RIC3: variants seen among roughly 807,000 people sequenced by gnomAD.
RIC3 encodes the protein RIC3 acetylcholine receptor chaperone, also known as protein RIC-3.
In RIC3, 28 loss-of-function variants were observed where a neutral mutation model predicts 27.3. The observed-to-expected ratio is 1.02, with a 90% CI of 0.76 to 1.41. The LOEUF (loss-of-function observed/expected upper bound fraction) is 1.41. Ranked by LOEUF, RIC3 falls within the 40% of genes most tolerant of loss-of-function variation. The pLI is 0.00. For missense variants in RIC3, 501 were observed against 444.7 expected (o/e 1.13, Z -1.14); for synonymous variants, 184 against 160.4 (o/e 1.15, Z -1.11).
intron 4 of RIC3, among the ~76,000 whole-genome samples, chr11:8,131,900 C>CA (rs796158730): frequency 0.079 from 2,054 of 26,088 alleles, 414 homozygotes; most frequent in African/African-American, 0.12. Context: ...GACTCCATCT[C>CA]AAAAAAAAAA....
intron 1 of RIC3, among the ~76,000 whole-genome samples, chr11:8,168,601 A>G (rs1354933188): frequency 1.3e-5 from 2 of 152,168 alleles, no homozygotes; most frequent in African/African-American, 4.8e-5. Flanking sequence ...CCTAAACGGG[A>G]GTACGCAAGG....
At chr11:8,093,609 C>T in the RIC3 span, among the ~76,000 whole-genome samples, 265 of 152,288 alleles carry the variant, frequency 1.7e-3, 2 homozygotes, top group Non-Finnish European at 6.9e-4. Flanking sequence ...CCCCGCAGAG[C>T]CCCCTCGTAG....
the RIC3 span, chr11:8,098,930 C>G: frequency 7.7e-7 from 1 of 1,293,664 alleles, no homozygotes; most frequent in Non-Finnish European, 1.1e-6. Flanking sequence ...AAATCCAGGA[C>G]TTGATGCCTG....
chr11:8,101,856 G>GGCGT, downstream of RIC3: 2 of 482,856 alleles, frequency 4.1e-6, no homozygotes, highest in Non-Finnish European at 6.8e-6. Flanking sequence ...TTCTTTCCAT[G>GGCGT]CCACGAGATC....
chr11:8,154,971 CATTTA>C (rs1359513905), intron 1 of RIC3, among the ~76,000 whole-genome samples: 1 of 152,090 alleles, frequency 6.6e-6, no homozygotes, highest in Non-Finnish European at 1.5e-5. Flanking sequence ...TTAATCCCAG[CATTTA>C]GCAAGGCTGA....
Position 8,168,963 on chromosome 11 carries a change from G to C in RIC3, c.27C>G (p.Val9=). 1.2e-6 allele frequency: 2 copies of C among 1,609,398 alleles called. No homozygotes were observed. Among genetic ancestry groups the C allele is most frequent in the Non-Finnish European group, 1.7e-6 (2 of 1,177,986 alleles). The part of the protein sequence containing the change: MAYSTVQR[V]ALASGLVLAL... ...CCAGGACAAGCCCAGAAGCCAGAGCGACTCTCTGCACTGTGGAGTACGCCA... is the reference window on the plus strand; with the variant it reads ...CCAGGACAAGCCCAGAAGCCAGAGCCACTCTCTGCACTGTGGAGTACGCCA... The change falls in exon 1 of 6, where the codon GTC becomes GTG. Residue 9 remains valine (V), a synonymous_variant. Transcript: ENST00000309737.
intron 4 of RIC3, among the ~76,000 whole-genome samples, chr11:8,131,900 CAAAAAAAA>C (rs796158730): frequency 7.6e-5 from 2 of 26,190 alleles, no homozygotes; most frequent in Non-Finnish European, 1.5e-4. Context: ...GACTCCATCT[CAAAAAAAA>C]AAAAAAAAAA....
At chr11:8,167,383 A>G (rs561972224) in intron 1 of RIC3, among the ~76,000 whole-genome samples, 4 of 152,324 alleles carry the variant, frequency 2.6e-5, no homozygotes, top group African/African-American at 4.8e-5. Flanking sequence ...CATCAGGGGA[A>G]GTCTCTCTGA....
intron 3 of RIC3, 74 bp from the exon 4 acceptor site, chr11:8,137,545 A>T: frequency 8.4e-7 from 1 of 1,185,350 alleles, no homozygotes; most frequent in South Asian, 1.3e-5. Flanking sequence ...ACAAATTTTT[A>T]AAAAGCTATT....
the RIC3 span, among the ~76,000 whole-genome samples, chr11:8,099,495 C>G: frequency 1.3e-5 from 2 of 152,302 alleles, no homozygotes; most frequent in South Asian, 2.1e-4. Flanking sequence ...GTGGTGCCAC[C>G]TGCTGACCAG....
At chr11:8,125,619 AAAGACTGAC>A (rs1446843127) in intron 5 of RIC3, among the ~76,000 whole-genome samples, 1 of 152,250 alleles carries the variant, frequency 6.6e-6, no homozygotes. Flanking sequence ...ATAAAATTAA[AAAGACTGAC>A]AAGACAAAGT....
At chr11:8,096,891 G>A in the RIC3 span, 34 of 1,497,492 alleles carry the variant, frequency 2.3e-5, no homozygotes, top group South Asian at 9.2e-5. Context: ...AGATGGACTC[G>A]TATGCCTTTA....
At chr11:8,159,638 G>C (rs1950997737) in intron 1 of RIC3, among the ~76,000 whole-genome samples, 1 of 152,110 alleles carries the variant, frequency 6.6e-6, no homozygotes, top group African/African-American at 2.4e-5. Context: ...ACAGTGGTGG[G>C]ACTCTAAAAG....
chr11:8,114,536 G>A (rs1945631901), intron 5 of RIC3, among the ~76,000 whole-genome samples: 1 of 150,874 alleles, frequency 6.6e-6, no homozygotes, highest in Non-Finnish European at 1.5e-5. Context: ...AACCCAGGAG[G>A]CAGAGGTTCC....
At chr11:8,101,687 G>A (rs552420356), downstream of RIC3, 157 of 1,579,454 alleles carry the variant, frequency 9.9e-5, 4 homozygotes, top group South Asian at 1.7e-3. Context: ...TGTGGAGACA[G>A]CCCTGCCTAT....
chr11:8,094,116 G>A, the RIC3 span: 117 of 1,614,212 alleles, frequency 7.2e-5, 1 homozygote, highest in East Asian at 8.0e-4. Context: ...CTTCAGCCAA[G>A]AGAACCAAGG....
chr11:8,115,317 A>AC (rs970114480), intron 5 of RIC3, among the ~76,000 whole-genome samples: 3 of 151,740 alleles, frequency 2.0e-5, no homozygotes, highest in African/African-American at 7.3e-5. Context: ...ACAAAAACAA[A>AC]AAAAAAAAAG....
At chr11:8,138,161 T>G (rs950052247) in intron 3 of RIC3, 111 bp downstream of exon 3, 3 of 713,860 alleles carry the variant, frequency 4.2e-6, no homozygotes, top group African/African-American at 3.6e-5. Flanking sequence ...TCAGATTAAT[T>G]TGGAGCAACT....
the RIC3 span, chr11:8,098,721 G>A: frequency 6.8e-7 from 1 of 1,473,236 alleles, no homozygotes. Flanking sequence ...TGGGGCAGAG[G>A]GTGCATGACT....
Sources: allele counts gnomAD v4.1 joint callset (sites outside exome capture counted in the v4.1 genomes callset), GRCh38; gene constraint gnomAD v4.1.1; transcripts MANE v1.5; gene names NCBI Gene and HGNC (gene_info 2026-07-23, HGNC 2026-07-21).